PRNP: variants seen among roughly 807,000 people sequenced by gnomAD.
PRNP encodes prion protein (Kanno blood group).
In PRNP, 15 loss-of-function variants were observed where a neutral mutation model predicts 21.3. The ratio of observed to expected loss-of-function variants is 0.71; its 90% CI spans 0.47 to 1.09. The LOEUF is 1.09. Among genes scored for constraint, PRNP ranks in the 50% least tolerant of loss-of-function variants. The pLI is 0.00. For synonymous variants in PRNP, 121 were observed against 123.1 expected (o/e 0.98, Z 0.11); for missense variants, 285 against 340.9 (o/e 0.84, Z 1.29).
At position 4,686,655 on chromosome 20, in the gene PRNP, C is replaced by G. The variant is rs1921454713; in HGVS notation, c.-11+143C>G. On this transcript the variant is annotated intron_variant, in intron 1 of 1. Transcript: ENST00000379440. The surrounding 1 kb of genome is among the most constrained non-coding windows in gnomAD (Gnocchi z 6.7). The stretch of plus-strand genomic sequence containing the variant: ...CCAGTGAGGAGGGGCCGGGGGCTGC[C>G]CCGCGGGCGCGTGACGCGTCTCGGG... The G allele has an allele frequency of 6.6e-6, 1 of 152,096 alleles. No homozygotes were observed. Among genetic ancestry groups the G allele is most frequent in the African/African-American group, 2.4e-5 (1 of 41,410 alleles). The allele number at this position is 152,096 out of a possible 1,614,324, so 9.4% of individuals were successfully genotyped here. A position where few individuals can be genotyped will look rare whatever the true frequency, so the allele number is the denominator to read the frequency against.
At chr20:4,693,777 G>T (rs189997150) in intron 1 of PRNP, among the ~76,000 whole-genome samples, 61 of 152,080 alleles carry the variant, frequency 4.0e-4, no homozygotes, top group African/African-American at 1.4e-3. Flanking sequence ...AAATTATTGT[G>T]CCAGGCTTGG....
Position 4,699,235 on chromosome 20 carries a change from C to A in PRNP, c.15C>A (p.Gly5=). The change falls in exon 2 of 2, where the codon GGC becomes GGA. Residue 5 remains glycine, a synonymous_variant. Coordinates refer to ENST00000379440, the MANE Select transcript of PRNP (RefSeq NM_000311.5). The surrounding 1 kb of genome is among the most constrained non-coding windows in gnomAD (Gnocchi z 5.8). ...GAGCAGTCATTATGGCGAACCTTGG[C>A]TGCTGGATGCTGGTTCTCTTTGTGG... MANL[G]CWMLVLFVAT... is the part of the protein sequence containing the mutation. 6.2e-7 allele frequency: 1 copy of A among 1,614,132 alleles called. No homozygotes were observed. Among genetic ancestry groups the A allele is most frequent in the South Asian group, 1.1e-5 (1 of 91,092 alleles).
chr20:4,699,190 G>C lies in PRNP; in HGVS notation c.-10-21G>C, dbSNP rs78236631. ...TTCAACATAAATATGGGACTCTGAC[G>C]TTCTCCTCTTCATTTTGCAGAGCAG... is the stretch of plus-strand genomic sequence containing the variant. On this transcript the variant is annotated intron_variant, in intron 1 of 1. Transcript: ENST00000379440. The surrounding 1 kb of genome is among the most constrained non-coding windows in gnomAD (Gnocchi z 5.8). The C allele has an allele frequency of 6.2e-7, 1 of 1,613,038 alleles. No homozygotes were observed. Among genetic ancestry groups the C allele is most frequent in the Admixed American group, 1.7e-5 (1 of 60,026 alleles).
Position 4,700,038 on chromosome 20 carries a change from G to A in PRNP, c.*56G>A, listed in dbSNP as rs1922500006. The A allele has an allele frequency of 1.0e-5, 16 of 1,556,178 alleles. No homozygotes were observed. The highest frequency in any genetic ancestry group is 2.7e-5 in the African/African-American group (2 of 73,090). ...AATCTTTTTCCAGCTTGAGGGAGGC[G>A]GTATCCACCTGCAGCCCTTTTAGTG... On this transcript the variant is annotated 3_prime_UTR_variant, in exon 2 of 2. Coordinates refer to ENST00000379440, the MANE Select transcript of PRNP (RefSeq NM_000311.5). This position sits in a 1 kb window ranked among gnomAD's most constrained non-coding sequence, Gnocchi z 4.1.
chr20:4,688,217 ATAAT>A (rs1434018677), intron 1 of PRNP, among the ~76,000 whole-genome samples: 2 of 152,226 alleles, frequency 1.3e-5, no homozygotes, highest in East Asian at 1.9e-4. Flanking sequence ...AATAACCAAA[ATAAT>A]TAATAGTAAC....
At position 4,700,414 on chromosome 20, in the gene PRNP, C is replaced by A; in HGVS notation, c.*432C>A. ...TTCATAGCTATTTAGAGATATTTTC[C>A]ATTTTAAGAAAACCCGACAACATTT... On this transcript the variant is annotated 3_prime_UTR_variant, in exon 2 of 2. Coordinates refer to ENST00000379440, the MANE Select transcript of PRNP (RefSeq NM_000311.5). This position sits in a 1 kb window ranked among gnomAD's most constrained non-coding sequence, Gnocchi z 4.1. 3.1e-6 allele frequency: 1 copy of A among 323,798 alleles called. No homozygotes were observed. The highest frequency in any genetic ancestry group is 2.8e-5 in the South Asian group (1 of 35,162). The allele number at this position is 323,798 out of a possible 1,614,324, so 20.1% of individuals were successfully genotyped here.
chr20:4,699,604 C>G lies in PRNP; in HGVS notation c.384C>G (p.Tyr128Ter). ...AGAVVGGLGG[Y>*]MLGSAMSRPI... ...CAGTGGTGGGGGGCCTTGGCGGCTACATGCTGGGAAGTGCCATGAGCAGGC... is the reference window on the plus strand; with the variant it reads ...CAGTGGTGGGGGGCCTTGGCGGCTAGATGCTGGGAAGTGCCATGAGCAGGC... The change falls in exon 2 of 2, where the codon TAC becomes TAG. Residue 128 changes from tyrosine (Y) to a stop codon, truncating the protein, a stop_gained. Transcript: ENST00000379440. LOFTEE classifies it high-confidence loss of function. The surrounding 1 kb of genome is among the most constrained non-coding windows in gnomAD (Gnocchi z 5.8). 1 of 1,614,114 alleles carries G rather than the reference C, an allele frequency of 6.2e-7. No individual in the cohort carries two copies. The highest frequency in any genetic ancestry group is 8.5e-7 in the Non-Finnish European group (1 of 1,180,000).
chr20:4,698,351 G>A (rs1922302527), intron 1 of PRNP, among the ~76,000 whole-genome samples: 1 of 152,096 alleles, frequency 6.6e-6, no homozygotes, highest in Non-Finnish European at 1.5e-5. Flanking sequence ...ATATTATCCA[G>A]TTTAATCATT....
intron 1 of PRNP, among the ~76,000 whole-genome samples, chr20:4,687,169 T>G (rs1421824701): frequency 1.3e-5 from 2 of 151,944 alleles, no homozygotes; most frequent in Non-Finnish European, 2.9e-5. Flanking sequence ...CGCCTGAGCT[T>G]CTCCGAGGGG....
chr20:4,691,057 A>G (rs765066753), intron 1 of PRNP, among the ~76,000 whole-genome samples: 22 of 152,230 alleles, frequency 1.4e-4, no homozygotes, highest in Non-Finnish European at 2.4e-4. Context: ...AGAAAGTGCC[A>G]TTTACAATAG....
At chr20:4,691,803 T>C (rs148013483) in intron 1 of PRNP, among the ~76,000 whole-genome samples, 175 of 152,302 alleles carry the variant, frequency 1.1e-3, no homozygotes, top group African/African-American at 4.1e-3. Context: ...TTTTATACCA[T>C]CATGCTTAGA....
In PRNP at chr20:4,698,120, A is replaced by G. The variant is rs73603218; in HGVS notation, c.-10-1091A>G. Among the ~76,000 whole-genome samples the G allele has an allele frequency of 5.1e-3, 777 of 152,258 alleles. 2 individuals carry two copies. Among genetic ancestry groups the G allele is most frequent in the African/African-American group, 0.017 (720 of 41,544 alleles). On this transcript the variant is annotated intron_variant, in intron 1 of 1. Coordinates refer to ENST00000379440, the MANE Select transcript of PRNP (RefSeq NM_000311.5). ...GGCCTCACGAGATTGTGGGGACTAC[A>G]TCAGGGAAGCAGGCCTGCAAAGAAC...
chr20:4,690,815 G>A (rs1325184467), intron 1 of PRNP, among the ~76,000 whole-genome samples: 1 of 152,138 alleles, frequency 6.6e-6, no homozygotes, highest in Non-Finnish European at 1.5e-5. Flanking sequence ...GCAAGTCCTA[G>A]CCAGGACAGT....
In PRNP at chr20:4,699,877, G is replaced by A. The variant is rs1422039397; in HGVS notation, c.657G>A (p.Glu219=). 1.9e-6 allele frequency: 3 copies of A among 1,613,762 alleles called. No homozygotes were observed. In the East Asian group the frequency reaches 6.7e-5, roughly 36 times the overall value. The change falls in exon 2 of 2, where the codon GAG becomes GAA. Residue 219 remains glutamate, a synonymous_variant. Coordinates refer to ENST00000379440, the MANE Select transcript of PRNP (RefSeq NM_000311.5). The surrounding 1 kb of genome is among the most constrained non-coding windows in gnomAD (Gnocchi z 5.8). ...VVEQMCITQY[E]RESQAYYQRG... is the part of the protein sequence containing the mutation. Reference sequence around the variant, plus strand: ...AGCAGATGTGTATCACCCAGTACGAGAGGGAATCTCAGGCCTATTACCAGA... The same window carrying A: ...AGCAGATGTGTATCACCCAGTACGAAAGGGAATCTCAGGCCTATTACCAGA...
chr20:4,699,778 G>A lies in PRNP; in HGVS notation c.558G>A (p.Gln186=). Residue 186 remains glutamine, a synonymous_variant, in exon 2 of 2, where the codon CAG becomes CAA. Transcript: ENST00000379440. This position sits in a 1 kb window ranked among gnomAD's most constrained non-coding sequence, Gnocchi z 5.8. ...ACTGCGTCAATATCACAATCAAGCA[G>A]CACACGGTCACCACAACCACCAAGG... ...VHDCVNITIK[Q]HTVTTTTKGE... is the part of the protein sequence containing the mutation. The A allele has an allele frequency of 6.2e-7, 1 of 1,613,994 alleles. No homozygotes were observed. The highest frequency in any genetic ancestry group is 8.5e-7 in the Non-Finnish European group (1 of 1,180,024).
chr20:4,695,923 C>T (rs1241754933), intron 1 of PRNP, among the ~76,000 whole-genome samples: 2 of 152,154 alleles, frequency 1.3e-5, no homozygotes, highest in Non-Finnish European at 2.9e-5. Flanking sequence ...GTTCGTGGTG[C>T]CCATGTCAGC....
rs574351582 is a variant in PRNP at position 4,700,940 on chromosome 20, A to T, written c.*958A>T. The T allele has an allele frequency of 6.0e-6, 1 of 167,056 alleles. No homozygotes were observed. Among genetic ancestry groups the T allele is most frequent in the South Asian group, 2.1e-4 (1 of 4,830 alleles). 10.3% of individuals were successfully genotyped at this position (167,056 alleles called of 1,614,324 possible). ...CATCATCATAGAGGATGATGTAATT[A>T]AAAAATGGTCAGTGTGCAAAGAAAA... On this transcript the variant is annotated 3_prime_UTR_variant, in exon 2 of 2. Transcript: ENST00000379440. This position sits in a 1 kb window ranked among gnomAD's most constrained non-coding sequence, Gnocchi z 4.1.
At chr20:4,693,550 C>G (rs777855493) in intron 1 of PRNP, among the ~76,000 whole-genome samples, 16 of 152,142 alleles carry the variant, frequency 1.1e-4, no homozygotes, top group Non-Finnish European at 2.2e-4. Flanking sequence ...AAATTTCTCT[C>G]TGTGGACCAT....
At chr20:4,692,271 T>C (rs1921879074) in intron 1 of PRNP, among the ~76,000 whole-genome samples, 1 of 152,236 alleles carries the variant, frequency 6.6e-6, no homozygotes, top group African/African-American at 2.4e-5. Context: ...TATTTTCAAT[T>C]CTTACTGCCA....
Sources: allele counts gnomAD v4.1 joint callset (sites outside exome capture counted in the v4.1 genomes callset), GRCh38; gene constraint gnomAD v4.1.1; non-coding constraint Gnocchi (gnomAD v3.1); transcripts MANE v1.5; gene names NCBI Gene and HGNC (gene_info 2026-07-23, HGNC 2026-07-21).